RANBP17: variants seen among roughly 807,000 people sequenced by gnomAD.
RANBP17 encodes ran-binding protein 17.
RANBP17 carries 158 observed loss-of-function variants against 141.2 expected under a neutral mutation model. The observed-to-expected ratio is 1.12, with a 90% CI of 0.98 to 1.28. RANBP17 has a LOEUF of 1.28. Among genes scored for constraint, RANBP17 ranks in the 50% most tolerant of loss-of-function variants. The pLI, the probability that RANBP17 is intolerant of heterozygous loss-of-function variation, is 0.00. For missense variants in RANBP17, 1,438 were observed against 1,290.7 expected (o/e 1.11, Z -1.75); for synonymous variants, 430 against 450.0 (o/e 0.96, Z 0.56).
chr5:171,072,766 T>C (rs1007165255), intron 14 of RANBP17, among the ~76,000 whole-genome samples: 2 of 152,194 alleles, frequency 1.3e-5, no homozygotes, highest in Admixed American at 6.5e-5. Context: ...TTGAAAACTT[T>C]TGTTCACACA....
intron 16 of RANBP17, among the ~76,000 whole-genome samples, chr5:171,178,367 C>A (rs925829930): frequency 1.3e-5 from 2 of 152,028 alleles, no homozygotes; most frequent in Non-Finnish European, 2.9e-5. Context: ...TTTTTTATGG[C>A]TGCATAGTAT....
chr5:171,126,040 C>A lies in RANBP17; in HGVS notation c.1711-44090C>A, dbSNP rs187948597. ...TGACCTCGTGATCCGCCCGCCTTGG[C>A]CTCCCAAAGTGCTGGGATTGCAGGT... On this transcript the variant is annotated intron_variant, in intron 14 of 27. Transcript: ENST00000523189. Among the ~76,000 whole-genome samples the A allele has an allele frequency of 1.9e-3, 294 of 152,258 alleles. 1 individual carries two copies. The highest frequency in any genetic ancestry group is 0.017 in the South Asian group (83 of 4,820).
chr5:171,094,587 C>T (rs1561648282), intron 14 of RANBP17, among the ~76,000 whole-genome samples: 1 of 152,132 alleles, frequency 6.6e-6, no homozygotes, highest in Non-Finnish European at 1.5e-5. Flanking sequence ...TAGAAGCTCT[C>T]TATGCATCTG....
At chr5:171,171,530 A>G (rs1387451625) in intron 16 of RANBP17, among the ~76,000 whole-genome samples, 1 of 152,048 alleles carries the variant, frequency 6.6e-6, no homozygotes, top group Non-Finnish European at 1.5e-5. Flanking sequence ...AGTTACAGTT[A>G]TATTTATACT....
chr5:171,054,738 A>G (rs1375836249), intron 14 of RANBP17, among the ~76,000 whole-genome samples: 2 of 152,066 alleles, frequency 1.3e-5, no homozygotes, highest in Non-Finnish European at 2.9e-5. Context: ...CCCAGCCCCT[A>G]TTCAAGATGG....
At chr5:171,105,964 G>A (rs1325606164) in intron 14 of RANBP17, among the ~76,000 whole-genome samples, 2 of 152,200 alleles carry the variant, frequency 1.3e-5, no homozygotes, top group Non-Finnish European at 2.9e-5. Context: ...ATCAATTGAT[G>A]TGCACTGCAA....
intron 12 of RANBP17, among the ~76,000 whole-genome samples, chr5:170,940,017 G>A (rs1283845699): frequency 6.6e-6 from 1 of 151,802 alleles, no homozygotes; most frequent in Non-Finnish European, 1.5e-5. Flanking sequence ...TAGGACAATA[G>A]ACAATAAAAA....
intron 14 of RANBP17, among the ~76,000 whole-genome samples, chr5:171,024,543 C>G (rs1419098876): frequency 6.6e-6 from 1 of 152,180 alleles, no homozygotes; most frequent in Non-Finnish European, 1.5e-5. Context: ...GCTGATTGAG[C>G]TGAGATCACC....
intron 25 of RANBP17, among the ~76,000 whole-genome samples, chr5:171,275,246 T>G (rs989524893): frequency 2.6e-5 from 4 of 152,194 alleles, no homozygotes; most frequent in African/African-American, 9.6e-5. Context: ...TCATATATAA[T>G]TTTTTTAATG....
At chr5:170,979,670 G>A (rs1394543911) in intron 14 of RANBP17, among the ~76,000 whole-genome samples, 1 of 152,206 alleles carries the variant, frequency 6.6e-6, no homozygotes, top group African/African-American at 2.4e-5. Flanking sequence ...ATCCATGTAA[G>A]ATGTGACTTG....
At chr5:171,213,392 C>T (rs1225817577) in intron 20 of RANBP17, among the ~76,000 whole-genome samples, 5 of 151,960 alleles carry the variant, frequency 3.3e-5, no homozygotes, top group Non-Finnish European at 7.4e-5. Context: ...AGTAATATAA[C>T]GTGTAGGACA....
At chr5:171,039,245 GTTTTT>G (rs57258448) in intron 14 of RANBP17, among the ~76,000 whole-genome samples, 5 of 125,420 alleles carry the variant, frequency 4.0e-5, no homozygotes, top group Admixed American at 7.9e-5. Flanking sequence ...TCTGTTGTTG[GTTTTT>G]TTTTTTTTTT....
At chr5:171,013,977 A>G (rs549481185) in intron 14 of RANBP17, among the ~76,000 whole-genome samples, 2 of 152,092 alleles carry the variant, frequency 1.3e-5, no homozygotes, top group East Asian at 3.9e-4. Context: ...ATCTTCTCAC[A>G]CTTCTATACA....
In RANBP17 at chr5:171,265,814, T is replaced by A. The variant is rs139687157; in HGVS notation, c.2910T>A (p.His970Gln). 4.3e-4 allele frequency: 686 copies of A among 1,613,766 alleles called. 11 individuals are homozygous for A. In the East Asian group the frequency reaches 0.015, roughly 35 times the overall value. Residue 970 changes from histidine (H) to glutamine (Q), a missense_variant, in exon 25 of 28, where the codon CAT becomes CAA. By Grantham distance (24) the His-to-Gln change is conservative (BLOSUM62 0). Coordinates refer to ENST00000523189, the MANE Select transcript of RANBP17 (RefSeq NM_022897.5). ...EATQAGQRLL[H>Q]FMQQNPDVLQ... ...CCCAGGCTGGTCAGAGACTATTACA[T>A]TTTATGCAGCAAAACCCAGATGTCC... is the stretch of plus-strand genomic sequence containing the variant.
chr5:171,061,893 G>T (rs1246764962), intron 14 of RANBP17, among the ~76,000 whole-genome samples: 1 of 152,140 alleles, frequency 6.6e-6, no homozygotes, highest in Non-Finnish European at 1.5e-5. Context: ...TTTTTGAATT[G>T]ATCCCTTTAC....
rs529778087 is a variant in RANBP17 at position 171,215,777 on chromosome 5, T to C, written c.2339+2039T>C. On this transcript the variant is annotated intron_variant, in intron 21 of 27. Coordinates refer to ENST00000523189, the MANE Select transcript of RANBP17 (RefSeq NM_022897.5). ...GTTTGTTTTTTTCTTGTAAATTTGT[T>C]TAAGTTCCTTGTAGATTCTGGATAT... Among the ~76,000 whole-genome samples, 49 of 152,358 alleles carry C rather than the reference T, an allele frequency of 3.2e-4. 3 individuals carry two copies. The South Asian group carries it at 9.9e-3, about 31-fold the overall frequency.
intron 14 of RANBP17, among the ~76,000 whole-genome samples, chr5:171,019,039 G>C (rs1780652252): frequency 6.6e-6 from 1 of 152,118 alleles, no homozygotes; most frequent in Non-Finnish European, 1.5e-5. Context: ...CTTTGTTTCT[G>C]TTTATGTGGT....
At chr5:171,096,582 C>T (rs1488040533) in intron 14 of RANBP17, among the ~76,000 whole-genome samples, 1 of 152,032 alleles carries the variant, frequency 6.6e-6, no homozygotes, top group Non-Finnish European at 1.5e-5. Flanking sequence ...AACTGTAATA[C>T]ACAGTAGATC....
At chr5:171,228,116 C>CA (rs1246667519) in intron 22 of RANBP17, among the ~76,000 whole-genome samples, 1 of 152,194 alleles carries the variant, frequency 6.6e-6, no homozygotes, top group Non-Finnish European at 1.5e-5. Context: ...ATCAGAAATA[C>CA]ATTCTGTAAG....
Sources: allele counts gnomAD v4.1 joint callset (sites outside exome capture counted in the v4.1 genomes callset), GRCh38; gene constraint gnomAD v4.1.1; transcripts MANE v1.5; gene names NCBI Gene and HGNC (gene_info 2026-07-23, HGNC 2026-07-21).